CNKSR2: variants seen among roughly 807,000 people sequenced by gnomAD.
CNKSR2 encodes connector enhancer of kinase suppressor of Ras 2.
CNKSR2 carries 14 observed loss-of-function variants against 84.4 expected under a neutral mutation model. That is an observed-to-expected ratio of 0.17 (90% CI 0.11 to 0.26). The LOEUF (loss-of-function observed/expected upper bound fraction) is 0.26. Among genes scored for constraint, CNKSR2 ranks in the 10% least tolerant of loss-of-function variants. CNKSR2 has a pLI of 1.00. For synonymous variants in CNKSR2, 275 were observed against 277.9 expected, an observed-to-expected ratio of 0.99 and a Z score of 0.10; for missense variants, 485 against 771.2, an observed-to-expected ratio of 0.63 and a Z score of 4.40.
At chrX:21,468,060 T>G (rs2091151277) in intron 4 of CNKSR2, among the ~76,000 whole-genome samples, 1 of 111,173 alleles carries the variant, frequency 9.0e-6, no homozygotes, top group East Asian at 2.8e-4. Flanking sequence ...GTATCATTTA[T>G]ACTTCTAAAG....
intron 6 of CNKSR2, 126 bp from the exon 7 acceptor site, chrX:21,497,661 G>A (rs2091514715): frequency 2.1e-6 from 1 of 470,235 alleles, no homozygotes; most frequent in Admixed American, 3.9e-5. Context: ...TGTCTTCATG[G>A]ATTTATTTCT....
intron 1 of CNKSR2, among the ~76,000 whole-genome samples, chrX:21,385,769 T>C: frequency 9.0e-6 from 1 of 111,659 alleles, no homozygotes; most frequent in Non-Finnish European, 1.9e-5. Flanking sequence ...CAAAGATGTG[T>C]ATGTCCTCTC....
At chrX:21,558,900 G>T (rs1004216306) in intron 11 of CNKSR2, among the ~76,000 whole-genome samples, 3 of 111,326 alleles carry the variant, frequency 2.7e-5, no homozygotes, top group African/African-American at 9.8e-5. Flanking sequence ...TTGATGACAT[G>T]TAAAAACAGT....
chrX:21,374,871 G>C lies in CNKSR2; in HGVS notation c.-27G>C, dbSNP rs371958012. ...AGTTCGTTTTGTGTCTGAGCTCTGC[G>C]CTCTGCACGGAACCGACCCCGTACC... On this transcript the variant is annotated 5_prime_UTR_variant, in exon 1 of 22. Coordinates refer to ENST00000379510, the MANE Select transcript of CNKSR2 (RefSeq NM_014927.5). 8 of 1,188,653 alleles carry C rather than the reference G, an allele frequency of 6.7e-6. No individual in the cohort carries two copies. The highest frequency in any genetic ancestry group is 5.9e-5 in the East Asian group (2 of 33,742).
At chrX:21,430,642 A>C (rs1272425040) in intron 2 of CNKSR2, among the ~76,000 whole-genome samples, 2 of 112,218 alleles carry the variant, frequency 1.8e-5, no homozygotes, top group East Asian at 5.5e-4. Context: ...ATGCTTTAAC[A>C]CAGGGAAAAC....
chrX:21,570,377 A>G (rs1216434601), intron 13 of CNKSR2, among the ~76,000 whole-genome samples: 1 of 112,346 alleles, frequency 8.9e-6, no homozygotes, highest in African/African-American at 3.2e-5. Flanking sequence ...GCTAGCTTCC[A>G]GCTTTTCTTC....
At chrX:21,591,568 T>C (rs763573302) in intron 15 of CNKSR2, 1 of 112,650 alleles carries the variant, frequency 8.9e-6, no homozygotes, top group African/African-American at 3.3e-5. Flanking sequence ...GTTTTTTTTT[T>C]CTTTTTAGAA....
rs1355669259 is a variant in CNKSR2, at chrX:21,374,983, G to A, written c.64+22G>A. On this transcript the variant is annotated intron_variant, in intron 1 of 21. Coordinates refer to ENST00000379510, the MANE Select transcript of CNKSR2 (RefSeq NM_014927.5). ...AAAGGTAATGCCCGCTGCGGGGAGGGTGAGGCGGCACTGGGGCGCGGGGCA... is the reference window on the plus strand; with the variant it reads ...AAAGGTAATGCCCGCTGCGGGGAGGATGAGGCGGCACTGGGGCGCGGGGCA... 4 of 1,178,689 alleles carry A rather than the reference G, an allele frequency of 3.4e-6. No individual in the cohort carries two copies. In the Admixed American group the frequency reaches 6.5e-5, roughly 19 times the overall value.
At chrX:21,596,164 A>G (rs1311304108) in intron 17 of CNKSR2, among the ~76,000 whole-genome samples, 1 of 111,618 alleles carries the variant, frequency 9.0e-6, no homozygotes, top group Admixed American at 9.6e-5. Flanking sequence ...AGACTCTCTA[A>G]ATCCCAGCTC....
At position 21,456,823 on chromosome X, in the gene CNKSR2, G is replaced by A. The variant is rs577905819; in HGVS notation, c.520-13943G>A. Among the ~76,000 whole-genome samples, 11 of 111,224 alleles carry A rather than the reference G, an allele frequency of 9.9e-5. No individual in the cohort carries two copies. In the South Asian group the frequency reaches 4.1e-3, roughly 42 times the overall value. ...TTCCATAGTGACTGTACCAATTTACGTTTCCACCAACAGCAGACAAGAATT... is the reference window on the plus strand; with the variant it reads ...TTCCATAGTGACTGTACCAATTTACATTTCCACCAACAGCAGACAAGAATT... On this transcript the variant is annotated intron_variant, in intron 4 of 21. Transcript: ENST00000379510.
intron 20 of CNKSR2, among the ~76,000 whole-genome samples, chrX:21,639,509 A>C (rs1028573337): frequency 8.9e-6 from 1 of 111,934 alleles, no homozygotes; most frequent in Non-Finnish European, 1.9e-5. Context: ...AGTTCTAAAA[A>C]ATTTATTTAA....
chrX:21,380,634 C>G (rs7062522), intron 1 of CNKSR2, among the ~76,000 whole-genome samples: 16,580 of 108,860 alleles, frequency 0.15, 3,008 homozygotes, highest in African/African-American at 0.52. Context: ...TTTTAGTAGA[C>G]ACGGGATTTC....
rs779145484 is a variant in CNKSR2 at position 21,541,076 on chromosome X, G to A, written c.1303+9009G>A. Reference sequence around the variant, plus strand: ...CGGCTCACTGCAACCTCCACTTCCCGGGTTCAAGCGATTCTCCTGCCTCAG... The same window carrying A: ...CGGCTCACTGCAACCTCCACTTCCCAGGTTCAAGCGATTCTCCTGCCTCAG... On this transcript the variant is annotated intron_variant, in intron 11 of 21. Transcript: ENST00000379510. Among the ~76,000 whole-genome samples, 236 of 108,478 alleles carry A rather than the reference G, an allele frequency of 2.2e-3. 1 individual carries two copies. Among genetic ancestry groups the A allele is most frequent in the African/African-American group, 7.4e-3 (222 of 29,802 alleles). 94.2% of individuals were successfully genotyped at this position (108,478 alleles called of 115,157 possible). A position where few individuals can be genotyped will look rare whatever the true frequency, so the allele number is the denominator to read the frequency against.
chrX:21,531,002 T>A (rs2091881325), intron 10 of CNKSR2, among the ~76,000 whole-genome samples: 1 of 110,591 alleles, frequency 9.0e-6, no homozygotes, highest in Admixed American at 9.6e-5. Flanking sequence ...TTTATCAGAT[T>A]ACCTTCTCTC....
At chrX:21,593,827 G>A (rs901912614) in intron 15 of CNKSR2, 2 of 111,255 alleles carry the variant, frequency 1.8e-5, no homozygotes, top group African/African-American at 6.5e-5. Context: ...GTTATAAGAC[G>A]CTGATGAGCT....
At chrX:21,446,099 T>A (rs189729628) in intron 4 of CNKSR2, among the ~76,000 whole-genome samples, 52 of 111,760 alleles carry the variant, frequency 4.7e-4, no homozygotes, top group African/African-American at 1.5e-3. Flanking sequence ...AAATAATACT[T>A]TTAATTCAGT....
At chrX:21,453,318 A>G (rs760141027) in intron 4 of CNKSR2, among the ~76,000 whole-genome samples, 37 of 111,913 alleles carry the variant, frequency 3.3e-4, no homozygotes, top group African/African-American at 1.1e-3. Flanking sequence ...CAGAAACAAT[A>G]TATTTTACTT....
intron 8 of CNKSR2, among the ~76,000 whole-genome samples, 153 bp downstream of exon 8, chrX:21,501,741 T>A (rs1316391883): frequency 9.0e-6 from 1 of 111,043 alleles, no homozygotes; most frequent in Admixed American, 9.6e-5. Flanking sequence ...TCTTAATTAT[T>A]TGATGGAACG....
chrX:21,452,294 A>G (rs1202545314), intron 4 of CNKSR2, among the ~76,000 whole-genome samples: 2 of 110,843 alleles, frequency 1.8e-5, no homozygotes, highest in African/African-American at 6.6e-5. Flanking sequence ...GAGTTTCACC[A>G]TGTTGACCAG....
Sources: allele counts gnomAD v4.1 joint callset (sites outside exome capture counted in the v4.1 genomes callset), GRCh38; gene constraint gnomAD v4.1.1; transcripts MANE v1.5; gene names NCBI Gene and HGNC (gene_info 2026-07-23, HGNC 2026-07-21).